NAXE: variants seen among roughly 807,000 people sequenced by gnomAD.
NAXE encodes NAD(P)H-hydrate epimerase.
A neutral mutation model predicts 31.2 loss-of-function variants in NAXE; 25 were observed. The ratio of observed to expected loss-of-function variants is 0.80; its 90% CI spans 0.58 to 1.12. The LOEUF is 1.12. NAXE is among the 50% of genes most tolerant of loss of function. The pLI, the probability that NAXE is intolerant of heterozygous loss-of-function variation, is 0.00. For synonymous variants in NAXE, 144 were observed against 154.5 expected (o/e 0.93, Z 0.50); for missense variants, 362 against 376.1 (o/e 0.96, Z 0.31).
Position 156,591,888 on chromosome 1 carries a change from C to G in NAXE, c.84C>G (p.Ala28=), listed in dbSNP as rs1379473343. 1 of 1,612,554 alleles carries G rather than the reference C, an allele frequency of 6.2e-7. No homozygotes were observed. The highest frequency in any genetic ancestry group is 1.7e-5 in the Admixed American group (1 of 60,000). Residue 28 remains alanine (A), a synonymous_variant, in exon 1 of 6, where the codon GCC becomes GCG. Transcript: ENST00000368235. ...RVPRIKSQTI[A]CRSGPTWWGP... is the part of the protein sequence containing the mutation. Reference sequence around the variant, plus strand: ...CGCGGATCAAAAGCCAGACCATCGCCTGTCGCTCGGGACCCACCTGGTGGG... The same window carrying G: ...CGCGGATCAAAAGCCAGACCATCGCGTGTCGCTCGGGACCCACCTGGTGGG...
intron 1 of NAXE, 28 bp downstream of exon 1, chr1:156,592,014 C>A (rs766008347): frequency 5.6e-6 from 9 of 1,613,494 alleles, no homozygotes; most frequent in Non-Finnish European, 6.8e-6. Flanking sequence ...GTGGCCTGCT[C>A]TGCCCCGGGG....
In NAXE at chr1:156,591,841, C is replaced by T. The variant is rs779628609; in HGVS notation, c.37C>T (p.Leu13=). 4 of 1,609,574 alleles carry T rather than the reference C, an allele frequency of 2.5e-6. No individual in the cohort carries two copies. The highest frequency in any genetic ancestry group is 3.3e-5 in the Admixed American group (2 of 59,920). ...RLRALLGLGL[L]VAGSRVPRIK... ...GCGGGCGCTGCTGGGCCTCGGGCTG[C>T]TGGTTGCGGGCTCGCGCGTGCCGCG... Residue 13 remains leucine (L), a synonymous_variant, in exon 1 of 6, where the codon CTG becomes TTG. Coordinates refer to ENST00000368235, the MANE Select transcript of NAXE (RefSeq NM_144772.3).
Position 156,592,670 on chromosome 1 carries a change from G to A in NAXE, c.516G>A (p.Glu172=), listed in dbSNP as rs188555697. ...CTTTCCTTGGGGAAATGCCCGCAGA[G>A]GTAGGTGGCTCCAGTTGAATACCTC... ...DIPFLGEMPA[E]PMTIDELYEL... is the part of the protein sequence containing the mutation. The change falls in exon 4 of 6, where the codon GAG becomes GAA. Residue 172 remains glutamate, a splice_region_variant and synonymous_variant. Coordinates refer to ENST00000368235, the MANE Select transcript of NAXE (RefSeq NM_144772.3). 9.9e-6 allele frequency: 16 copies of A among 1,611,190 alleles called. No homozygotes were observed. The Admixed American group carries it at 1.7e-4, about 17-fold the overall frequency.
rs1425097482 is a variant in NAXE, at chr1:156,591,796, G to A, written c.-9G>A. 2 of 1,545,368 alleles carry A rather than the reference G, an allele frequency of 1.3e-6. No homozygotes were observed. The highest frequency in any genetic ancestry group is 2.3e-5 in the South Asian group (2 of 87,122). On this transcript the variant is annotated 5_prime_UTR_variant, in exon 1 of 6. Transcript: ENST00000368235. ...GGGCCGGGCCGGGGGCGCGCGCTCT[G>A]CGAGCTGGATGTCCAGGCTGCGGGC... is the stretch of plus-strand genomic sequence containing the variant.
chr1:156,592,886 A>T, intron 4 of NAXE: 1 of 564,842 alleles, frequency 1.8e-6, no homozygotes, highest in Non-Finnish European at 3.2e-6. Context: ...TTGCCCTTTC[A>T]TCTCCCTGGT....
chr1:156,592,709 C>T (rs756490963), intron 4 of NAXE, 39 bp downstream of exon 4: 11 of 1,531,854 alleles, frequency 7.2e-6, no homozygotes, highest in Non-Finnish European at 9.9e-6. Context: ...CCTACAGTAA[C>T]CACTGCCTGT....
rs1677399631 is a variant in NAXE, at chr1:156,593,474, G to A, written c.583G>A (p.Asp195Asn). The A allele has an allele frequency of 1.9e-6, 3 of 1,614,200 alleles. No individual in the cohort carries two copies. Among genetic ancestry groups the A allele is most frequent in the Non-Finnish European group, 2.5e-6 (3 of 1,180,036 alleles). Residue 195 changes from aspartate to asparagine, a missense_variant, in exon 5 of 6, where the codon GAT becomes AAT. Coordinates refer to ENST00000368235, the MANE Select transcript of NAXE (RefSeq NM_144772.3). ...DAIFGFSFKG[D>N]VREPFHSILS... ...CATCTTTGGCTTCAGCTTCAAGGGC[G>A]ATGTTCGGGAACCGTTCCACAGCAT... is the stretch of plus-strand genomic sequence containing the variant.
At chr1:156,593,701 A>C (rs1677409741) in intron 5 of NAXE, 146 bp downstream of exon 5, 1 of 1,367,394 alleles carries the variant, frequency 7.3e-7, no homozygotes, top group Admixed American at 2.1e-5. Flanking sequence ...AGTGTTCAGA[A>C]GTCCCCTTTA....
chr1:156,593,330 G>A, intron 4 of NAXE, 78 bp from the exon 5 acceptor site: 1 of 1,515,986 alleles, frequency 6.6e-7, no homozygotes, highest in Non-Finnish European at 9.0e-7. Context: ...TGGTCTGCAG[G>A]TGCAGAGGAC....
Position 156,593,889 on chromosome 1 carries a change from C to T in NAXE, c.672C>T (p.Asp224=), listed in dbSNP as rs374015855. Residue 224 remains aspartate (D), a synonymous_variant, in exon 6 of 6, where the codon GAC becomes GAT. Coordinates refer to ENST00000368235, the MANE Select transcript of NAXE (RefSeq NM_144772.3). The part of the protein sequence containing the change: ...IASIDIPSGW[D]VEKGNAGGIQ... ...ACACCACCCTCTTTTCAGGATGGGA[C>T]GTGGAGAAGGGAAATGCTGGAGGGA... The T allele has an allele frequency of 3.1e-5, 50 of 1,613,818 alleles. No individual in the cohort carries two copies. The highest frequency in any genetic ancestry group is 2.0e-4 in the East Asian group (9 of 44,898).
rs1452244368 is a variant in NAXE at position 156,594,160 on chromosome 1, C to T, written c.*76C>T. 2 of 1,492,864 alleles carry T rather than the reference C, an allele frequency of 1.3e-6. No homozygotes were observed. Among genetic ancestry groups the T allele is most frequent in the African/African-American group, 1.4e-5 (1 of 72,276 alleles). The allele number at this position is 1,492,864 out of a possible 1,614,324, so 92.5% of individuals were successfully genotyped here. Reference sequence around the variant, plus strand: ...CCAGAACTGTGGATTCCTGGGAGCTCCTCTGGCAATAAAAGTCAGTGAATG... The same window carrying T: ...CCAGAACTGTGGATTCCTGGGAGCTTCTCTGGCAATAAAAGTCAGTGAATG... On this transcript the variant is annotated 3_prime_UTR_variant, in exon 6 of 6. Transcript: ENST00000368235.
At chr1:156,592,321 T>C in intron 2 of NAXE, 44 bp from the exon 3 acceptor site, 1 of 1,607,212 alleles carries the variant, frequency 6.2e-7, no homozygotes, top group South Asian at 1.1e-5. Context: ...TATGGTCTAT[T>C]ACCGCCTGAA....
Position 156,591,809 on chromosome 1 carries a change from C to G in NAXE, c.5C>G (p.Ser2Cys), listed in dbSNP as rs1280212812. M[S>C]RLRALLGLGL... ...GGCGCGCGCTCTGCGAGCTGGATGT[C>G]CAGGCTGCGGGCGCTGCTGGGCCTC... The change falls in exon 1 of 6, where the codon TCC becomes TGC. Residue 2 changes from serine (S) to cysteine (C), a missense_variant. By Grantham distance (112) the Ser-to-Cys change is moderately radical (BLOSUM62 -1). Transcript: ENST00000368235. The G allele has an allele frequency of 2.5e-6, 4 of 1,592,788 alleles. No homozygotes were observed. The highest frequency in any genetic ancestry group is 2.0e-4 in the Middle Eastern group (1 of 5,020).
Position 156,592,164 on chromosome 1 carries a change from A to T in NAXE, c.246A>T (p.Gln82His). Residue 82 changes from glutamine (Q) to histidine (H), a missense_variant, in exon 2 of 6, where the codon CAA (glutamine) becomes CAT (histidine). By Grantham distance (24) the Gln-to-His change is conservative. Coordinates refer to ENST00000368235, the MANE Select transcript of NAXE (RefSeq NM_144772.3). ...ACGAATACCAGTTCAGCGTGGACCA[A>T]CTTATGGAACTGGCCGGGCTGAGCT... is the stretch of plus-strand genomic sequence containing the variant. ...LFNEYQFSVD[Q>H]LMELAGLSCA... 6.2e-7 allele frequency: 1 copy of T among 1,614,236 alleles called. No individual in the cohort carries two copies. The highest frequency in any genetic ancestry group is 1.3e-5 in the African/African-American group (1 of 75,072).
At position 156,591,970 on chromosome 1, in the gene NAXE, G is replaced by C. The variant is rs773049023; in HGVS notation, c.166G>C (p.Val56Leu). The C allele has an allele frequency of 5.0e-5, 81 of 1,613,162 alleles. No homozygotes were observed. The highest frequency in any genetic ancestry group is 1.6e-4 in the Middle Eastern group (1 of 6,082). The change falls in exon 1 of 6, where the codon GTG becomes CTG. Residue 56 changes from valine (V) to leucine (L), a missense_variant. Val to Leu is a conservative substitution (Grantham distance 32). Transcript: ENST00000368235. ...GGACTCAGAGGTCATGGCGAGCACG[G>C]TGGTGAAGTACCTGAGGTAGGCACG... ...RWDSEVMAST[V>L]VKYLSQEEAQ...
intron 4 of NAXE, 115 bp downstream of exon 4, chr1:156,592,785 C>T (rs1459367990): frequency 1.5e-5 from 14 of 950,726 alleles, no homozygotes; most frequent in East Asian, 2.4e-5. Context: ...AGGTGCCTAA[C>T]GGATGGTATT....
intron 4 of NAXE, 170 bp from the exon 5 acceptor site, chr1:156,593,238 G>A: frequency 1.2e-6 from 1 of 842,424 alleles, no homozygotes; most frequent in Non-Finnish European, 1.7e-6. Flanking sequence ...TCTCAATTTG[G>A]CCTGAATCAG....
intron 5 of NAXE, 111 bp downstream of exon 5, chr1:156,593,666 T>C: frequency 6.7e-7 from 1 of 1,482,600 alleles, no homozygotes; most frequent in Non-Finnish European, 9.2e-7. Context: ...CACAGCTTTC[T>C]GGACCCCCAT....
intron 4 of NAXE, 185 bp from the exon 5 acceptor site, chr1:156,593,219 ACTGT>A (rs1398749191): frequency 2.9e-6 from 2 of 678,620 alleles, no homozygotes; most frequent in Non-Finnish European, 4.5e-6. Context: ...GAGAACAAAA[ACTGT>A]CTGGTCTCAA....
Sources: allele counts gnomAD v4.1 joint callset, GRCh38; gene constraint gnomAD v4.1.1; transcripts MANE v1.5; gene names NCBI Gene and HGNC (gene_info 2026-07-23, HGNC 2026-07-21).